RCAN3: variants seen among roughly 807,000 people sequenced by gnomAD.
The protein encoded by RCAN3 is calcipressin-3.
RCAN3 carries 19 observed loss-of-function variants against 21.9 expected under a neutral mutation model. The ratio of observed to expected loss-of-function variants is 0.87; its 90% confidence interval spans 0.61 to 1.27. The LOEUF (loss-of-function observed/expected upper bound fraction) is 1.27. Ranked by LOEUF, RCAN3 falls within the 50% of genes most tolerant of loss-of-function variation. The probability of loss-of-function intolerance (pLI) is 0.00; values close to 1 mark genes in which losing one functional copy is unlikely to be tolerated. For synonymous variants in RCAN3, 114 were observed against 112.3 expected, an observed-to-expected ratio of 1.01 and a Z score of -0.09; for missense variants, 240 against 300.1, an observed-to-expected ratio of 0.80 and a Z score of 1.48.
intron 2 of RCAN3, among the ~76,000 whole-genome samples, chr1:24,528,147 G>T (rs1332045939): frequency 6.6e-6 from 1 of 151,674 alleles, no homozygotes; most frequent in Non-Finnish European, 1.5e-5. Context: ...GTGGCTATAG[G>T]GAGTTAGGCA....
At chr1:24,526,131 G>A (rs1649242924) in intron 2 of RCAN3, among the ~76,000 whole-genome samples, 1 of 152,064 alleles carries the variant, frequency 6.6e-6, no homozygotes, top group Non-Finnish European at 1.5e-5. Flanking sequence ...TCACTCTGTT[G>A]CCCAGGCTGG....
chr1:24,533,754 C>G lies in RCAN3; in HGVS notation c.541+500C>G, dbSNP rs571887491. Among the ~76,000 whole-genome samples, 42 of 151,740 alleles carry G rather than the reference C, an allele frequency of 2.8e-4. No homozygotes were observed. In the South Asian group the frequency reaches 8.5e-3, roughly 31 times the overall value. On this transcript the variant is annotated intron_variant, in intron 4 of 4. Transcript: ENST00000374395. The stretch of plus-strand genomic sequence containing the variant: ...GGCAGAGGATGCAGTGAGCCGAGAT[C>G]GTACCACTGTACTCCAGCCTAGGCA...
chr1:24,503,683 C>T (rs898297088), intron 1 of RCAN3, among the ~76,000 whole-genome samples: 1 of 152,220 alleles, frequency 6.6e-6, no homozygotes, highest in Non-Finnish European at 1.5e-5. Context: ...TTCTAGCTTC[C>T]GTGCAAAATC....
At chr1:24,510,079 C>T (rs1647753215) in intron 1 of RCAN3, among the ~76,000 whole-genome samples, 1 of 152,266 alleles carries the variant, frequency 6.6e-6, no homozygotes, top group Middle Eastern at 3.4e-3. Context: ...GGGCTTAAAA[C>T]GTACAGTAAA....
chr1:24,540,193 G>A lies in RCAN3; in HGVS notation c.*4916G>A, dbSNP rs1650426369. On this transcript the variant is annotated 3_prime_UTR_variant, in exon 5 of 5. Coordinates refer to ENST00000374395, the MANE Select transcript of RCAN3 (RefSeq NM_013441.4). ...AGACAACTGAAAGCAACAACTGCTG[G>A]GTTCACTGACAAAGATTATAAAAAT... is the stretch of plus-strand genomic sequence containing the variant. 6.6e-6 allele frequency: 1 copy of A among 152,182 alleles called. No individual in the cohort carries two copies. The highest frequency in any genetic ancestry group is 1.5e-5 in the Non-Finnish European group (1 of 68,024). 9.4% of individuals were successfully genotyped at this position (152,182 alleles called of 1,614,324 possible). A position where few individuals can be genotyped will look rare whatever the true frequency, so the allele number is the denominator to read the frequency against.
intron 1 of RCAN3, among the ~76,000 whole-genome samples, chr1:24,513,105 C>G (rs1318587384): frequency 6.6e-6 from 1 of 151,950 alleles, no homozygotes; most frequent in African/African-American, 2.4e-5. Flanking sequence ...AGCGTGGTGT[C>G]GGGCGCCTGT....
At chr1:24,521,067 C>G (rs532028306) in intron 2 of RCAN3, among the ~76,000 whole-genome samples, 7 of 152,072 alleles carry the variant, frequency 4.6e-5, no homozygotes, top group Non-Finnish European at 1.0e-4. Context: ...TAGTATAAAG[C>G]CATGGTAATC....
chr1:24,509,208 G>A (rs1647696376), intron 1 of RCAN3, among the ~76,000 whole-genome samples: 1 of 152,152 alleles, frequency 6.6e-6, no homozygotes, highest in African/African-American at 2.4e-5. Context: ...TTTTGTTGGT[G>A]GAAGATCTTG....
intron 3 of RCAN3, among the ~76,000 whole-genome samples, chr1:24,532,579 G>T (rs957887064): frequency 6.6e-6 from 1 of 151,902 alleles, no homozygotes; most frequent in Non-Finnish European, 1.5e-5. Flanking sequence ...ACTGTGTGTG[G>T]CCATGTGCTG....
rs72884412 is a variant in RCAN3, at chr1:24,513,541, C to T, written c.-59-773C>T. Among the ~76,000 whole-genome samples, 225 of 152,102 alleles carry T rather than the reference C, an allele frequency of 1.5e-3. 1 individual carries two copies. The highest frequency in any genetic ancestry group is 5.3e-3 in the African/African-American group (219 of 41,516). Reference sequence around the variant, plus strand: ...AAAGTTAGCCGGGCATGGTGGTACACGCCTGTAGTGGAGGCTGAGGCATGA... The same window carrying T: ...AAAGTTAGCCGGGCATGGTGGTACATGCCTGTAGTGGAGGCTGAGGCATGA... On this transcript the variant is annotated intron_variant, in intron 1 of 4. Transcript: ENST00000374395.
chr1:24,524,640 G>C (rs977206839), intron 2 of RCAN3, among the ~76,000 whole-genome samples: 1 of 152,110 alleles, frequency 6.6e-6, no homozygotes, highest in Non-Finnish European at 1.5e-5. Flanking sequence ...CCTTGCCTTT[G>C]ATATTAGTGG....
At chr1:24,521,740 C>T (rs190438718) in intron 2 of RCAN3, among the ~76,000 whole-genome samples, 35 of 152,158 alleles carry the variant, frequency 2.3e-4, no homozygotes, top group African/African-American at 8.2e-4. Flanking sequence ...CCCAGCTACT[C>T]GGGAGGCTGA....
In RCAN3 at chr1:24,540,230, AAGT is replaced by A. The variant is rs1270452544; in HGVS notation, c.*4956_*4958del. On this transcript the variant is annotated 3_prime_UTR_variant, in exon 5 of 5. Coordinates refer to ENST00000374395, the MANE Select transcript of RCAN3 (RefSeq NM_013441.4). ...AAGATTATAAAAATCATCACGTTCAAAGTAGAGTTTTTAGCCAAGGTCAAGAAC... is the reference window on the plus strand; with the variant it reads ...AAGATTATAAAAATCATCACGTTCAAAGAGTTTTTAGCCAAGGTCAAGAAC... 1 of 152,440 alleles carries A rather than the reference AAGT, an allele frequency of 6.6e-6. No individual in the cohort carries two copies. The highest frequency in any genetic ancestry group is 2.4e-5 in the African/African-American group (1 of 41,440). The allele number at this position is 152,440 out of a possible 1,614,324, so 9.4% of individuals were successfully genotyped here.
chr1:24,528,254 GAAAAAA>G (rs57400823), intron 2 of RCAN3, among the ~76,000 whole-genome samples: 1 of 122,144 alleles, frequency 8.2e-6, no homozygotes, highest in Non-Finnish European at 1.7e-5. Flanking sequence ...TGGAAAAAAA[GAAAAAA>G]AAAAAAAGAA....
intron 1 of RCAN3, among the ~76,000 whole-genome samples, chr1:24,508,114 CA>C (rs372631148): frequency 5.6e-5 from 8 of 143,678 alleles, no homozygotes; most frequent in Admixed American, 6.9e-5. Flanking sequence ...AACTCCGTCT[CA>C]AAAAAAAAAG....
intron 1 of RCAN3, among the ~76,000 whole-genome samples, chr1:24,513,203 C>G (rs1008937902): frequency 6.6e-6 from 1 of 152,088 alleles, no homozygotes; most frequent in Admixed American, 6.5e-5. Flanking sequence ...TGCCACTGCA[C>G]TCCAGCCTGG....
chr1:24,517,449 TG>T (rs1333862321), intron 2 of RCAN3, among the ~76,000 whole-genome samples: 2 of 152,080 alleles, frequency 1.3e-5, no homozygotes, highest in African/African-American at 4.8e-5. Flanking sequence ...TCTTTTTAAC[TG>T]TAGCCTGGGA....
At chr1:24,526,038 A>G (rs1649233909) in intron 2 of RCAN3, among the ~76,000 whole-genome samples, 1 of 152,176 alleles carries the variant, frequency 6.6e-6, no homozygotes, top group East Asian at 1.9e-4. Flanking sequence ...GAGAAAGAAC[A>G]CAAAACTCAG....
At chr1:24,531,196 C>T (rs1649732596) in intron 2 of RCAN3, 22 bp from the exon 3 acceptor site, 2 of 1,450,788 alleles carry the variant, frequency 1.4e-6, no homozygotes, top group South Asian at 1.6e-5. Flanking sequence ...CTTCCCTTTG[C>T]CTTGCTGCTC....
Sources: gnomAD v4.1 joint callset for allele counts (sites outside exome capture counted in the v4.1 genomes callset) on GRCh38, gnomAD v4.1.1 for gene constraint, MANE v1.5 for transcripts, NCBI Gene and HGNC (gene_info 2026-07-23, HGNC 2026-07-21) for gene names.